The following TMC1 variants were observed in gnomAD, a reference collection of about 807,000 sequenced individuals.
The protein encoded by TMC1 is transmembrane channel like 1.
In TMC1, 84 loss-of-function variants were observed where a neutral mutation model predicts 105.8. The observed-to-expected ratio is 0.79, with a 90% CI of 0.67 to 0.95. TMC1 has a LOEUF of 0.95. Among genes scored for constraint, TMC1 ranks in the 40% least tolerant of loss-of-function variants. The pLI, the probability that TMC1 is intolerant of heterozygous loss-of-function variation, is 0.00. For missense variants in TMC1, 817 were observed against 914.1 expected (o/e 0.89, Z 1.37); for synonymous variants, 315 against 311.5 (o/e 1.01, Z -0.12).
At chr9:72,559,051 C>CCATTT (rs1823998182) in intron 1 of TMC1, among the ~76,000 whole-genome samples, 1 of 151,784 alleles carries the variant, frequency 6.6e-6, no homozygotes, top group Admixed American at 6.6e-5. Flanking sequence ...CCATATTGAA[C>CCATTT]TCAAATGAAC....
intron 8 of TMC1, among the ~76,000 whole-genome samples, chr9:72,730,997 C>T (rs567807293): frequency 6.6e-6 from 1 of 152,234 alleles, no homozygotes; most frequent in Admixed American, 6.5e-5. Flanking sequence ...CACTCGCCCA[C>T]CACTTGCCTG....
At chr9:72,835,914 T>G (rs1409397486) in intron 23 of TMC1, 37 bp from the exon 24 acceptor site, 3 of 1,533,038 alleles carry the variant, frequency 2.0e-6, no homozygotes, top group Non-Finnish European at 2.6e-6. Context: ...TCTCTCTCCT[T>G]GTTTTTTTTT....
At chr9:72,818,937 T>G (rs994471003) in intron 19 of TMC1, among the ~76,000 whole-genome samples, 1 of 152,220 alleles carries the variant, frequency 6.6e-6, no homozygotes, top group Non-Finnish European at 1.5e-5. Flanking sequence ...ACACAAATAA[T>G]AAGCATATAC....
At chr9:72,557,296 G>C (rs1193478747) in intron 1 of TMC1, among the ~76,000 whole-genome samples, 1 of 151,992 alleles carries the variant, frequency 6.6e-6, no homozygotes, top group African/African-American at 2.4e-5. Flanking sequence ...GCTTGAACCC[G>C]GGGGGCAAAG....
At position 72,810,594 on chromosome 9, in the gene TMC1, AC is replaced by A. The variant is rs1398919436; in HGVS notation, c.1695+5085del. On this transcript the variant is annotated intron_variant, in intron 18 of 23. Transcript: ENST00000297784. ...GATTTTTATAAATATACACATATAT[AC>A]TTTTGTATACGTATATATGTGTGTA... Among the ~76,000 whole-genome samples, 12 of 152,278 alleles carry A rather than the reference AC, an allele frequency of 7.9e-5. 1 individual carries two copies. The East Asian group carries it at 2.3e-3, about 29-fold the overall frequency.
At chr9:72,751,814 G>C in intron 10 of TMC1, 36 bp from the exon 11 acceptor site, 1 of 1,362,866 alleles carries the variant, frequency 7.3e-7, no homozygotes, top group South Asian at 1.2e-5. Flanking sequence ...TGTTTGCTTT[G>C]ATCTCTCTTC....
rs75753750 is a variant in TMC1, at chr9:72,675,829, C to A, written c.17-12880C>A. Among the ~76,000 whole-genome samples the A allele has an allele frequency of 8.3e-4, 127 of 152,258 alleles. No homozygotes were observed. In the East Asian group the frequency reaches 0.023, roughly 28 times the overall value. The stretch of plus-strand genomic sequence containing the variant: ...TGCCACACAATTACAATAATTTGTT[C>A]TCTGAATGCCAGAGTACTGACAAGG... On this transcript the variant is annotated intron_variant, in intron 5 of 23. Transcript: ENST00000297784.
At chr9:72,607,589 C>A (rs949564285) in intron 2 of TMC1, among the ~76,000 whole-genome samples, 1 of 145,454 alleles carries the variant, frequency 6.9e-6, no homozygotes, top group African/African-American at 2.6e-5. Flanking sequence ...GCACTTCAGC[C>A]TGGGCGAGAA....
At chr9:72,695,342 G>T (rs1826531805) in intron 7 of TMC1, among the ~76,000 whole-genome samples, 1 of 152,178 alleles carries the variant, frequency 6.6e-6, no homozygotes, top group South Asian at 2.1e-4. Context: ...CTGACTTTGT[G>T]TAGAATAATG....
intron 1 of TMC1, among the ~76,000 whole-genome samples, chr9:72,541,688 C>CA (rs34643140): frequency 5.6e-4 from 77 of 137,694 alleles, no homozygotes; most frequent in East Asian, 1.5e-3. Context: ...AACTCCATCT[C>CA]AAAAAAAAAA....
intron 17 of TMC1, among the ~76,000 whole-genome samples, chr9:72,794,357 GA>G (rs1346395432): frequency 1.3e-5 from 2 of 150,540 alleles, no homozygotes; most frequent in Non-Finnish European, 3.0e-5. Flanking sequence ...TCTCAAGGGG[GA>G]AAGAAATCTA....
chr9:72,673,331 A>T (rs1826153232), intron 5 of TMC1, among the ~76,000 whole-genome samples: 1 of 152,138 alleles, frequency 6.6e-6, no homozygotes, highest in African/African-American at 2.4e-5. Flanking sequence ...TAAGCAGAAG[A>T]AAGTAAGTAT....
chr9:72,579,682 A>C (rs1013981078), intron 2 of TMC1, among the ~76,000 whole-genome samples: 1 of 152,180 alleles, frequency 6.6e-6, no homozygotes, highest in African/African-American at 2.4e-5. Context: ...TATTTTATTC[A>C]ATCTTCACAA....
intron 18 of TMC1, among the ~76,000 whole-genome samples, chr9:72,811,567 C>T (rs1164396814): frequency 6.6e-6 from 1 of 152,068 alleles, no homozygotes; most frequent in Non-Finnish European, 1.5e-5. Flanking sequence ...TCATTGACAC[C>T]ATTCTTACTA....
chr9:72,679,869 C>A (rs904032378), intron 5 of TMC1, among the ~76,000 whole-genome samples: 1 of 152,038 alleles, frequency 6.6e-6, no homozygotes, highest in Admixed American at 6.6e-5. Flanking sequence ...GCCTATTTCA[C>A]AGAGGTCTTA....
chr9:72,612,490 T>G (rs565631973), intron 2 of TMC1, among the ~76,000 whole-genome samples: 16 of 151,926 alleles, frequency 1.1e-4, no homozygotes, highest in Non-Finnish European at 1.9e-4. Flanking sequence ...TTTTTTTTTT[T>G]TGTAAAAAGC....
intron 7 of TMC1, among the ~76,000 whole-genome samples, chr9:72,696,052 A>G (rs1042544837): frequency 6.6e-6 from 1 of 152,202 alleles, no homozygotes; most frequent in Non-Finnish European, 1.5e-5. Flanking sequence ...TTGAGAAAAC[A>G]TCTCCAATTG....
intron 8 of TMC1, among the ~76,000 whole-genome samples, chr9:72,711,121 T>A (rs1826828273): frequency 6.6e-6 from 1 of 152,256 alleles, no homozygotes; most frequent in East Asian, 1.9e-4. Context: ...GGCTGCATAG[T>A]ATTCCATGGT....
At chr9:72,719,426 G>A (rs556543789) in intron 8 of TMC1, among the ~76,000 whole-genome samples, 7 of 152,254 alleles carry the variant, frequency 4.6e-5, no homozygotes, top group African/African-American at 1.7e-4. Flanking sequence ...CTCCAGGTAA[G>A]GTCAAATCTT....
Sources: allele counts gnomAD v4.1 joint callset (sites outside exome capture counted in the v4.1 genomes callset), GRCh38; gene constraint gnomAD v4.1.1; transcripts MANE v1.5; gene names NCBI Gene and HGNC (gene_info 2026-07-23, HGNC 2026-07-21).